The following ATG7 variants were observed in gnomAD, a reference collection of about 807,000 sequenced individuals.
The protein encoded by ATG7 is ubiquitin-like modifier-activating enzyme ATG7.
ATG7 carries 70 observed loss-of-function variants against 82.4 expected under a neutral mutation model. That is an observed-to-expected ratio of 0.85 (90% CI 0.70 to 1.04). The LOEUF is 1.04. Ranked by LOEUF, ATG7 falls within the 50% of genes least tolerant of loss-of-function variation. ATG7 has a pLI of 0.00. For missense variants in ATG7, 792 were observed against 864.3 expected, an observed-to-expected ratio of 0.92 and a Z score of 1.05; for synonymous variants, 287 against 313.0, an observed-to-expected ratio of 0.92 and a Z score of 0.88.
chr3:11,278,442 G>A (rs769534411), intron 1 of ATG7, among the ~76,000 whole-genome samples: 5 of 152,156 alleles, frequency 3.3e-5, no homozygotes, highest in Non-Finnish European at 2.9e-5. Flanking sequence ...AGCTCCAGCC[G>A]GTCCCTCCGT....
chr3:11,517,621 T>G (rs182592216), intron 20 of ATG7, among the ~76,000 whole-genome samples: 311 of 152,282 alleles, frequency 2.0e-3, no homozygotes, highest in African/African-American at 7.3e-3. Context: ...CCTGGGAGGC[T>G]TCACTAGAGG....
At chr3:11,419,685 G>A (rs551540080) in intron 19 of ATG7, among the ~76,000 whole-genome samples, 3 of 152,290 alleles carry the variant, frequency 2.0e-5, no homozygotes, top group African/African-American at 7.2e-5. Flanking sequence ...AAATTAGAAG[G>A]GTGTGGGGGC....
rs557366842 is a variant in ATG7 at position 11,287,742 on chromosome 3, G to A, written c.-11+5304G>A. Among the ~76,000 whole-genome samples, 48 of 152,372 alleles carry A rather than the reference G, an allele frequency of 3.2e-4. 2 individuals are homozygous for A. The Middle Eastern group carries it at 0.02, about 65-fold the overall frequency. ...TAAAGAAGTATTTGCAGCATTACAA[G>A]GTGCCTATTGCAGGCCAGCAGATGT... is the stretch of plus-strand genomic sequence containing the variant. On this transcript the variant is annotated intron_variant, in intron 3 of 20. Transcript: ENST00000693202.
At chr3:11,299,273 AAAGAG>A (rs1946421387) in intron 4 of ATG7, 84 bp from the exon 5 acceptor site, 1 of 1,357,042 alleles carries the variant, frequency 7.4e-7, no homozygotes, top group Admixed American at 1.7e-5. Flanking sequence ...TGGGCTCAAC[AAAGAG>A]AAGAAAACTA....
intron 20 of ATG7, chr3:11,446,675 T>A (rs950234870): frequency 1.4e-4 from 33 of 233,360 alleles, no homozygotes; most frequent in Middle Eastern, 4.5e-4. Context: ...TTCCTGACTT[T>A]TGACTTCTTC....
chr3:11,289,893 G>T (rs74422234), intron 3 of ATG7, among the ~76,000 whole-genome samples: 1 of 151,978 alleles, frequency 6.6e-6, no homozygotes, highest in African/African-American at 2.4e-5. Flanking sequence ...TAGTTTATTT[G>T]TTCTGTTTAC....
chr3:11,300,711 C>T (rs924612424), intron 5 of ATG7, among the ~76,000 whole-genome samples: 5 of 152,202 alleles, frequency 3.3e-5, no homozygotes, highest in Non-Finnish European at 7.3e-5. Flanking sequence ...AAGCGATACA[C>T]ATTCAGTGGA....
chr3:11,395,927 G>C lies in ATG7; in HGVS notation c.1956+15875G>C, dbSNP rs867509926. Among the ~76,000 whole-genome samples the C allele has an allele frequency of 4.3e-5, 5 of 114,944 alleles. No individual in the cohort carries two copies. In the East Asian group the frequency reaches 9.5e-4, roughly 22 times the overall value. The allele number at this position is 114,944 out of a possible 152,430, so 75.4% of individuals were successfully genotyped here. On this transcript the variant is annotated intron_variant, in intron 19 of 20. Coordinates refer to ENST00000693202, the MANE Select transcript of ATG7 (RefSeq NM_001349232.2). ...TATACTCCAGCCTGGGCGACAGAGC[G>C]AGACTCTGTCTCAAAAAAAAAAAAA...
At chr3:11,356,492 G>A (rs981130242) in intron 14 of ATG7, among the ~76,000 whole-genome samples, 1 of 152,112 alleles carries the variant, frequency 6.6e-6, no homozygotes, top group South Asian at 2.1e-4. Flanking sequence ...CAGCCTCTTG[G>A]GTGTGGACAT....
At chr3:11,398,610 T>C (rs2079528334) in intron 19 of ATG7, among the ~76,000 whole-genome samples, 1 of 152,090 alleles carries the variant, frequency 6.6e-6, no homozygotes, top group African/African-American at 2.4e-5. Context: ...CTCAGCACTT[T>C]GGGGGGTCAA....
chr3:11,471,148 G>A (rs1343992858), intron 20 of ATG7, among the ~76,000 whole-genome samples: 1 of 152,106 alleles, frequency 6.6e-6, no homozygotes, highest in Admixed American at 6.5e-5. Context: ...ACACACATAT[G>A]AATATGTTAC....
intron 20 of ATG7, among the ~76,000 whole-genome samples, chr3:11,538,293 C>CT (rs2070496673): frequency 6.6e-6 from 1 of 152,208 alleles, no homozygotes; most frequent in Non-Finnish European, 1.5e-5. Flanking sequence ...AGCACAGACT[C>CT]TATCACACCA....
intron 20 of ATG7, among the ~76,000 whole-genome samples, chr3:11,460,387 C>A (rs1380917971): frequency 2.0e-5 from 3 of 152,154 alleles, no homozygotes; most frequent in African/African-American, 7.2e-5. Flanking sequence ...GCCTAGAAGA[C>A]TGTGTTGAGA....
chr3:11,356,234 A>G (rs2075925423), intron 14 of ATG7, among the ~76,000 whole-genome samples: 1 of 152,238 alleles, frequency 6.6e-6, no homozygotes, highest in Non-Finnish European at 1.5e-5. Context: ...TGCAGTGGTT[A>G]ATCTATCATT....
intron 3 of ATG7, among the ~76,000 whole-genome samples, chr3:11,291,981 C>A (rs1242561508): frequency 6.6e-6 from 1 of 152,216 alleles, no homozygotes; most frequent in African/African-American, 2.4e-5. Context: ...CTGTGCAGAT[C>A]ATTCCTGGTG....
rs576661740 is a variant in ATG7 at position 11,275,423 on chromosome 3, A to G, written c.-366+2993A>G. Reference sequence around the variant, plus strand: ...GAGTGCAGTGGCACGATCTCGGCTCACTGCAAGCTCTGCCTCCTGGGTTCA... The same window carrying G: ...GAGTGCAGTGGCACGATCTCGGCTCGCTGCAAGCTCTGCCTCCTGGGTTCA... On this transcript the variant is annotated intron_variant, in intron 1 of 20. Coordinates refer to ENST00000693202, the MANE Select transcript of ATG7 (RefSeq NM_001349232.2). 6.0e-3 allele frequency among the ~76,000 whole-genome samples: 866 copies of G among 144,074 alleles called. 6 individuals carry two copies. The highest frequency in any genetic ancestry group is 0.022 in the African/African-American group (818 of 37,932). 94.5% of individuals were successfully genotyped at this position (144,074 alleles called of 152,430 possible).
chr3:11,342,084 A>G, intron 12 of ATG7, 51 bp from the exon 13 acceptor site: 1 of 1,530,782 alleles, frequency 6.5e-7, no homozygotes, highest in Non-Finnish European at 8.8e-7. Flanking sequence ...CTTTCAGAAC[A>G]AGATTATTGC....
intron 20 of ATG7, among the ~76,000 whole-genome samples, chr3:11,451,804 TTAAAA>T (rs1215641502): frequency 5.2e-3 from 9 of 1,718 alleles, no homozygotes; most frequent in South Asian, 0.016. Flanking sequence ...AAAAAACAAA[TTAAAA>T]AAACCCCAGG....
intron 19 of ATG7, among the ~76,000 whole-genome samples, chr3:11,408,628 G>A (rs1165487890): frequency 6.6e-5 from 10 of 152,314 alleles, no homozygotes; most frequent in Non-Finnish European, 7.3e-5. Flanking sequence ...CTGGTGGAAG[G>A]TAAGGAGGAG....
Sources: allele counts gnomAD v4.1 joint callset (sites outside exome capture counted in the v4.1 genomes callset), GRCh38; gene constraint gnomAD v4.1.1; transcripts MANE v1.5; gene names NCBI Gene and HGNC (gene_info 2026-07-23, HGNC 2026-07-21).